Variants in PINX1 observed in about 807,000 individuals in gnomAD.
PINX1 encodes the protein PIN2/TERF1-interacting telomerase inhibitor 1.
PINX1 carries 34 observed loss-of-function variants against 25.4 expected under a neutral mutation model. The observed-to-expected ratio is 1.34, with a 90% CI of 1.02 to 1.78. PINX1 has a LOEUF of 1.78. PINX1 is among the 40% of genes most tolerant of loss of function. The pLI is 0.00. For synonymous variants in PINX1, 197 were observed against 147.7 expected, an observed-to-expected ratio of 1.33 and a Z score of -2.42; for missense variants, 592 against 404.9, an observed-to-expected ratio of 1.46 and a Z score of -3.97.
intron 6 of PINX1, among the ~76,000 whole-genome samples, chr8:10,787,254 G>C (rs1015808871): frequency 6.6e-6 from 1 of 151,962 alleles, no homozygotes; most frequent in Non-Finnish European, 1.5e-5. Flanking sequence ...AAGAGACAGA[G>C]TCTTGCTTTA....
At chr8:10,778,142 A>G (rs1801452888) in intron 6 of PINX1, among the ~76,000 whole-genome samples, 1 of 152,128 alleles carries the variant, frequency 6.6e-6, no homozygotes, top group South Asian at 2.1e-4. Context: ...GAGGGGGTGA[A>G]TATAACTCTT....
At chr8:10,830,697 T>C (rs1159583163) in intron 4 of PINX1, among the ~76,000 whole-genome samples, 1 of 152,158 alleles carries the variant, frequency 6.6e-6, no homozygotes, top group African/African-American at 2.4e-5. Flanking sequence ...GATATAAAAA[T>C]GGCCAATAAG....
At chr8:10,807,793 G>A (rs998946161) in intron 6 of PINX1, among the ~76,000 whole-genome samples, 3 of 152,306 alleles carry the variant, frequency 2.0e-5, no homozygotes. Flanking sequence ...AGCTGTGGAA[G>A]ATGAGTGAGG....
chr8:10,839,351 T>C (rs951555538), intron 1 of PINX1, among the ~76,000 whole-genome samples: 1 of 152,238 alleles, frequency 6.6e-6, no homozygotes, highest in Admixed American at 6.5e-5. Flanking sequence ...TTTCAAGTGA[T>C]CCTTCTGCTC....
At chr8:10,828,239 C>T (rs775948203) in intron 4 of PINX1, among the ~76,000 whole-genome samples, 6 of 152,216 alleles carry the variant, frequency 3.9e-5, no homozygotes, top group Non-Finnish European at 5.9e-5. Context: ...GCAAAGACAT[C>T]CTACCAGTAA....
intron 6 of PINX1, among the ~76,000 whole-genome samples, chr8:10,777,821 G>C (rs1470307027): frequency 6.6e-6 from 1 of 152,158 alleles, no homozygotes; most frequent in Non-Finnish European, 1.5e-5. Context: ...CTGGCTCCTG[G>C]GCACGTAGCA....
chr8:10,821,564 T>C (rs908747700), intron 5 of PINX1, among the ~76,000 whole-genome samples: 9 of 152,166 alleles, frequency 5.9e-5, no homozygotes, highest in South Asian at 2.1e-4. Context: ...TACTTAAGAA[T>C]AGACGATGCA....
intron 6 of PINX1, among the ~76,000 whole-genome samples, chr8:10,773,765 A>G (rs548089819): frequency 6.6e-6 from 1 of 152,332 alleles, no homozygotes; most frequent in East Asian, 1.9e-4. Flanking sequence ...ACAGCTTCTC[A>G]AGTAATCAAC....
At chr8:10,775,196 A>C (rs1801349674) in intron 6 of PINX1, among the ~76,000 whole-genome samples, 1 of 152,198 alleles carries the variant, frequency 6.6e-6, no homozygotes, top group Admixed American at 6.5e-5. Flanking sequence ...TTTATAAACA[A>C]AAAATATATT....
intron 5 of PINX1, among the ~76,000 whole-genome samples, chr8:10,823,284 G>A (rs1797931945): frequency 1.0e-5 from 1 of 97,530 alleles, no homozygotes; most frequent in African/African-American, 5.0e-5. Flanking sequence ...ATATAAAATA[G>A]CCCAAACTCT....
At chr8:10,802,607 C>G (rs6983180) in intron 6 of PINX1, among the ~76,000 whole-genome samples, 10,848 of 152,280 alleles carry the variant, frequency 0.071, 525 homozygotes, top group African/African-American at 0.12. Context: ...GCTTGCTACT[C>G]TCAACCTTGA....
At chr8:10,814,661 ATACT>A (rs1393129061) in intron 6 of PINX1, among the ~76,000 whole-genome samples, 6 of 152,252 alleles carry the variant, frequency 3.9e-5, no homozygotes, top group African/African-American at 1.2e-4. Context: ...CAGAGAAGAA[ATACT>A]TATTTATTAG....
intron 6 of PINX1, among the ~76,000 whole-genome samples, chr8:10,805,357 A>G (rs543235901): frequency 5.3e-5 from 8 of 152,224 alleles, no homozygotes; most frequent in African/African-American, 1.9e-4. Flanking sequence ...TTTCAGTAAG[A>G]TAAGTTAGGA....
At chr8:10,813,804 C>A (rs932707349) in intron 6 of PINX1, among the ~76,000 whole-genome samples, 1 of 151,806 alleles carries the variant, frequency 6.6e-6, no homozygotes, top group African/African-American at 2.4e-5. Context: ...CATTCTCCAT[C>A]CTCACTCTGG....
In PINX1 at chr8:10,839,847, A is replaced by C. The variant is rs966388164; in HGVS notation, c.-91T>G. On this transcript the variant is annotated 5_prime_UTR_variant, in exon 1 of 7. Transcript: ENST00000314787. ...ACTCCAGGAGAATCAGGACGTGCGT[A>C]ACTCCCTCGCCGGCGGACTGCAGCG... The C allele has an allele frequency of 7.8e-7, 1 of 1,284,642 alleles. No individual in the cohort carries two copies. The highest frequency in any genetic ancestry group is 1.5e-5 in the African/African-American group (1 of 66,566). 79.6% of individuals were successfully genotyped at this position (1,284,642 alleles called of 1,614,324 possible).
chr8:10,770,002 G>A (rs767440603), intron 6 of PINX1, among the ~76,000 whole-genome samples: 4 of 152,170 alleles, frequency 2.6e-5, no homozygotes, highest in Non-Finnish European at 5.9e-5. Context: ...ACATCATTTT[G>A]GTTTGCAATT....
At chr8:10,783,907 G>A (rs1801668995) in intron 6 of PINX1, among the ~76,000 whole-genome samples, 1 of 152,206 alleles carries the variant, frequency 6.6e-6, no homozygotes. Flanking sequence ...CAGATGACTA[G>A]AAAGTAGGCT....
chr8:10,810,593 A>C (rs907764124), intron 6 of PINX1, among the ~76,000 whole-genome samples: 2 of 152,166 alleles, frequency 1.3e-5, no homozygotes, highest in African/African-American at 4.8e-5. Flanking sequence ...GATATGAGGA[A>C]ATATAAAAAT....
chr8:10,786,208 T>G (rs1801742819), intron 6 of PINX1, among the ~76,000 whole-genome samples: 1 of 152,222 alleles, frequency 6.6e-6, no homozygotes. Flanking sequence ...AGACGTTACA[T>G]TTTAGGTGAA....
Sources: gnomAD v4.1 joint callset for allele counts (sites outside exome capture counted in the v4.1 genomes callset) on GRCh38, gnomAD v4.1.1 for gene constraint, MANE v1.5 for transcripts, NCBI Gene and HGNC (gene_info 2026-07-23, HGNC 2026-07-21) for gene names.